SH3RF2: variants seen among roughly 807,000 people sequenced by gnomAD.
SH3RF2 encodes the protein SH3 domain containing ring finger 2.
SH3RF2 carries 43 observed loss-of-function variants against 59.0 expected under a neutral mutation model. The observed-to-expected ratio is 0.73, with a 90% CI of 0.57 to 0.94. The LOEUF (loss-of-function observed/expected upper bound fraction) is 0.94, where lower values mean the gene tolerates loss of function less well. Among genes scored for constraint, SH3RF2 ranks in the 40% least tolerant of loss-of-function variants. The pLI, the probability that SH3RF2 is intolerant of heterozygous loss-of-function variation, is 0.00. For synonymous variants in SH3RF2, 391 were observed against 391.5 expected (o/e 1.00, Z 0.01); for missense variants, 930 against 940.1 (o/e 0.99, Z 0.14).
chr5:146,022,365 G>A (rs111709216), intron 5 of SH3RF2, among the ~76,000 whole-genome samples: 3,752 of 152,144 alleles, frequency 0.025, 169 homozygotes, highest in African/African-American at 0.087. Context: ...GCACCACCAC[G>A]CCCAGCTAAT....
intron 7 of SH3RF2, among the ~76,000 whole-genome samples, chr5:146,054,100 T>TG (rs1434715381): frequency 6.6e-6 from 1 of 152,148 alleles, no homozygotes; most frequent in Non-Finnish European, 1.5e-5. Flanking sequence ...TCTGCAGGTC[T>TG]GGGGGTGTCC....
rs34750869 is a variant in SH3RF2, at chr5:146,005,871, A to AAG, written c.744+1718_744+1719insAG. Among the ~76,000 whole-genome samples, 1,006 of 151,146 alleles carry AAG rather than the reference A, an allele frequency of 6.7e-3. 18 individuals are homozygous for AAG. The highest frequency in any genetic ancestry group is 0.024 in the African/African-American group (980 of 40,968). The stretch of plus-strand genomic sequence containing the variant: ...ACTCTGTTTAAAAAAAAAAAAAAAA[A>AAG]GCTTAGCAAGTGAATGAATGGAAAA... On this transcript the variant is annotated intron_variant, in intron 4 of 9. Transcript: ENST00000359120.
Position 146,006,115 on chromosome 5 carries a change from T to C in SH3RF2, c.744+1962T>C, listed in dbSNP as rs575672283. ...CAGAAAGTATTCCAGTAATTGCAAG[T>C]GTGTTGAATCATGTAAAGACTGAAG... On this transcript the variant is annotated intron_variant, in intron 4 of 9. Transcript: ENST00000359120. Among the ~76,000 whole-genome samples the C allele has an allele frequency of 2.0e-4, 30 of 152,276 alleles. No homozygotes were observed. In the South Asian group the frequency reaches 6.2e-3, roughly 32 times the overall value.
At chr5:146,021,646 G>A (rs1761323632) in intron 5 of SH3RF2, among the ~76,000 whole-genome samples, 1 of 152,188 alleles carries the variant, frequency 6.6e-6, no homozygotes, top group African/African-American at 2.4e-5. Context: ...TACCAGTTAA[G>A]GCCTTAGCAG....
At chr5:145,963,325 C>A (rs1758709766) in intron 2 of SH3RF2, among the ~76,000 whole-genome samples, 1 of 152,140 alleles carries the variant, frequency 6.6e-6, no homozygotes, top group East Asian at 1.9e-4. Context: ...GTTGTAGTTT[C>A]TGACATAAAC....
intron 8 of SH3RF2, among the ~76,000 whole-genome samples, chr5:146,058,678 C>G (rs1762768983): frequency 6.6e-6 from 1 of 152,094 alleles, no homozygotes; most frequent in African/African-American, 2.4e-5. Flanking sequence ...TCTCTAAATG[C>G]TGAGGGGCCC....
intron 2 of SH3RF2, among the ~76,000 whole-genome samples, chr5:145,974,605 C>T (rs1385757780): frequency 6.6e-6 from 1 of 152,202 alleles, no homozygotes; most frequent in Non-Finnish European, 1.5e-5. Flanking sequence ...TTTCTCCAAA[C>T]CCCATGTGGT....
At chr5:146,011,181 G>C (rs1760875910) in intron 4 of SH3RF2, among the ~76,000 whole-genome samples, 1 of 152,182 alleles carries the variant, frequency 6.6e-6, no homozygotes, top group Non-Finnish European at 1.5e-5. Flanking sequence ...TCAAAGATCA[G>C]ATGGTTGTAG....
chr5:146,033,564 A>G (rs1429293296), intron 5 of SH3RF2, among the ~76,000 whole-genome samples: 2 of 140,744 alleles, frequency 1.4e-5, no homozygotes, highest in East Asian at 4.5e-4. Flanking sequence ...TCCGTCTCCC[A>G]GGTTCAAGCC....
intron 8 of SH3RF2, among the ~76,000 whole-genome samples, chr5:146,058,389 T>C (rs1219890800): frequency 6.6e-6 from 1 of 152,142 alleles, no homozygotes; most frequent in Non-Finnish European, 1.5e-5. Context: ...ATTGACTGCG[T>C]GAACCCCACA....
chr5:146,064,727 AAAGG>A (rs1218422103), downstream of SH3RF2, among the ~76,000 whole-genome samples: 28 of 13,194 alleles, frequency 2.1e-3, no homozygotes, highest in East Asian at 0.023. Context: ...AGAAAGAAAG[AAAGG>A]AAGGAAGGAA....
chr5:146,032,341 A>G (rs1446729485), intron 5 of SH3RF2, among the ~76,000 whole-genome samples: 1 of 152,144 alleles, frequency 6.6e-6, no homozygotes, highest in Non-Finnish European at 1.5e-5. Flanking sequence ...GCCAAGCCCC[A>G]TGGGTGATGA....
intron 4 of SH3RF2, 71 bp from the exon 5 acceptor site, chr5:146,013,676 C>T: frequency 6.4e-7 from 1 of 1,561,200 alleles, no homozygotes; most frequent in South Asian, 1.2e-5. Flanking sequence ...TTCAGATGTA[C>T]ATGGGTAGGA....
chr5:145,954,503 GTC>G (rs1758316992), intron 2 of SH3RF2, among the ~76,000 whole-genome samples: 1 of 152,194 alleles, frequency 6.6e-6, no homozygotes, highest in Non-Finnish European at 1.5e-5. Context: ...TCTGTAGGTT[GTC>G]TGTTTACTCT....
At position 145,945,977 on chromosome 5, in the gene SH3RF2, T is replaced by C. The variant is rs1208828411; in HGVS notation, c.378+7671T>C. Among the ~76,000 whole-genome samples the C allele has an allele frequency of 1.5e-4, 23 of 152,218 alleles. 1 individual carries two copies. Among genetic ancestry groups the C allele is most frequent in the Admixed American group, 1.5e-3 (23 of 15,286 alleles). On this transcript the variant is annotated intron_variant, in intron 2 of 9. Transcript: ENST00000359120. ...ACAAAGCCAGTCTTTTCCATTGAAA[T>C]GGTCAGGTTACCTGAAACCCCTAGC...
intron 5 of SH3RF2, among the ~76,000 whole-genome samples, chr5:146,027,649 A>C (rs534735179): frequency 3.3e-5 from 5 of 152,236 alleles, no homozygotes; most frequent in Admixed American, 6.5e-5. Flanking sequence ...TATGTAATGG[A>C]GGGTCCACCT....
Position 146,010,854 on chromosome 5 carries a change from C to G in SH3RF2, c.745-2893C>G, listed in dbSNP as rs190492416. Among the ~76,000 whole-genome samples the G allele has an allele frequency of 1.4e-3, 207 of 152,290 alleles. 1 individual carries two copies. Among genetic ancestry groups the G allele is most frequent in the African/African-American group, 4.6e-3 (193 of 41,560 alleles). ...TGCCTGTTCACTCCGATGGCAGTTT[C>G]TTTTGCTGTGCAGAAGCTCTTTCAT... On this transcript the variant is annotated intron_variant, in intron 4 of 9. Transcript: ENST00000359120.
At chr5:146,058,871 TAA>T (rs35140745) in intron 8 of SH3RF2, among the ~76,000 whole-genome samples, 178 of 132,608 alleles carry the variant, frequency 1.3e-3, no homozygotes, top group Non-Finnish European at 1.6e-3. Flanking sequence ...CATCTCAATT[TAA>T]AAAAAAAAAA....
chr5:146,014,021 C>G lies in SH3RF2; in HGVS notation c.1019C>G (p.Pro340Arg). The G allele has an allele frequency of 6.2e-7, 1 of 1,614,062 alleles. No individual in the cohort carries two copies. The highest frequency in any genetic ancestry group is 1.3e-5 in the African/African-American group (1 of 75,020). ...AGCAACCCCTCTGTGATCACCCAGC[C>G]CATGGAGAAAGCAGACGTTCCTTCC... The part of the protein sequence containing the change: ...SSSNPSVITQ[P>R]MEKADVPSSC... The change falls in exon 5 of 10, where the codon CCC becomes CGC. Residue 340 changes from proline to arginine, a missense_variant. Coordinates refer to ENST00000359120, the MANE Select transcript of SH3RF2 (RefSeq NM_152550.4).
Sources: gnomAD v4.1 joint callset for allele counts (sites outside exome capture counted in the v4.1 genomes callset) on GRCh38, gnomAD v4.1.1 for gene constraint, MANE v1.5 for transcripts, NCBI Gene and HGNC (gene_info 2026-07-23, HGNC 2026-07-21) for gene names.